Variants in NELL1 observed in about 807,000 individuals in gnomAD.
NELL1 encodes neural EGFL like 1.
Under a neutral mutation model 107.4 loss-of-function variants are expected in NELL1, and 76 were observed. The ratio of observed to expected loss-of-function variants is 0.71; its 90% CI spans 0.59 to 0.86. The LOEUF (loss-of-function observed/expected upper bound fraction) is 0.86, where lower values mean the gene tolerates loss of function less well. Among genes scored for constraint, NELL1 ranks in the 40% least tolerant of loss-of-function variants. The pLI, the probability that NELL1 is intolerant of heterozygous loss-of-function variation, is 0.00. For missense variants in NELL1, 1,024 were observed against 1,005.5 expected (o/e 1.02, Z -0.25); for synonymous variants, 353 against 341.2 (o/e 1.03, Z -0.38).
chr11:20,703,956 G>A (rs999559356), intron 2 of NELL1, among the ~76,000 whole-genome samples: 9 of 152,178 alleles, frequency 5.9e-5, no homozygotes, highest in African/African-American at 2.2e-4. Context: ...AGTGTGATGT[G>A]GTGCTGAGAA....
At chr11:21,464,165 C>T (rs375912896) in intron 15 of NELL1, among the ~76,000 whole-genome samples, 123 of 152,062 alleles carry the variant, frequency 8.1e-4, no homozygotes, top group Non-Finnish European at 1.3e-3. Flanking sequence ...CATATTTAAA[C>T]GGTCAATGTG....
At chr11:20,873,305 A>G (rs572394362) in intron 4 of NELL1, among the ~76,000 whole-genome samples, 1 of 152,228 alleles carries the variant, frequency 6.6e-6, no homozygotes, top group East Asian at 1.9e-4. Context: ...TCTTCCTATA[A>G]GATTGTGGCT....
chr11:21,034,419 C>G (rs942953549), intron 12 of NELL1, among the ~76,000 whole-genome samples: 1 of 152,126 alleles, frequency 6.6e-6, no homozygotes, highest in Non-Finnish European at 1.5e-5. Flanking sequence ...CCACAGAACT[C>G]TCTACCCAAA....
chr11:20,966,892 G>C (rs879257404), intron 12 of NELL1, among the ~76,000 whole-genome samples: 6 of 147,408 alleles, frequency 4.1e-5, no homozygotes, highest in Admixed American at 6.8e-5. Context: ...ATAACACAAA[G>C]AAAAATAAAG....
At chr11:21,341,669 G>A (rs376468905) in intron 14 of NELL1, among the ~76,000 whole-genome samples, 27 of 152,266 alleles carry the variant, frequency 1.8e-4, no homozygotes, top group East Asian at 9.6e-4. Flanking sequence ...ATCAAAAGGC[G>A]TTTATTAACT....
chr11:21,362,609 T>C (rs1166410042), intron 14 of NELL1, among the ~76,000 whole-genome samples: 1 of 152,168 alleles, frequency 6.6e-6, no homozygotes, highest in Non-Finnish European at 1.5e-5. Flanking sequence ...ATAATGGAGT[T>C]GGTTGGCCTC....
At chr11:20,704,369 C>T (rs1171914999) in intron 2 of NELL1, among the ~76,000 whole-genome samples, 1 of 152,136 alleles carries the variant, frequency 6.6e-6, no homozygotes, top group Non-Finnish European at 1.5e-5. Context: ...AGATCTTCCT[C>T]CATCCTTTTA....
At chr11:20,886,906 AAG>A (rs1849520976) in intron 5 of NELL1, among the ~76,000 whole-genome samples, 2 of 151,444 alleles carry the variant, frequency 1.3e-5, no homozygotes, top group African/African-American at 4.9e-5. Flanking sequence ...ACAGTGTCAC[AAG>A]TTTTGGAAAA....
chr11:21,336,674 T>TATATATATATATATACACAC (rs55720144), intron 14 of NELL1, among the ~76,000 whole-genome samples: 5 of 130,524 alleles, frequency 3.8e-5, no homozygotes, highest in African/African-American at 1.4e-4. Flanking sequence ...TATATATATA[T>TATATATATATATATACACAC]ACACACACAC....
intron 15 of NELL1, among the ~76,000 whole-genome samples, chr11:21,442,540 G>C (rs1340430683): frequency 6.6e-6 from 1 of 152,104 alleles, no homozygotes; most frequent in Non-Finnish European, 1.5e-5. Context: ...TAGTTTACTT[G>C]TATCAAGTAT....
chr11:21,516,520 C>G (rs4625458), intron 15 of NELL1, among the ~76,000 whole-genome samples: 20,520 of 152,038 alleles, frequency 0.13, 1,492 homozygotes, highest in Admixed American at 0.2. Flanking sequence ...AGATGGTCTA[C>G]CCTACTACAC....
At chr11:21,224,490 G>C (rs1385984724) in intron 13 of NELL1, among the ~76,000 whole-genome samples, 1 of 151,744 alleles carries the variant, frequency 6.6e-6, no homozygotes, top group African/African-American at 2.4e-5. Flanking sequence ...CAAAGTGCTG[G>C]GATTATAGGT....
chr11:21,101,462 A>G (rs1854810641), intron 12 of NELL1, among the ~76,000 whole-genome samples: 1 of 152,176 alleles, frequency 6.6e-6, no homozygotes, highest in Admixed American at 6.6e-5. Context: ...ACAACAGTGT[A>G]AAAGTGTTCC....
At chr11:20,909,218 T>C (rs948528004) in intron 5 of NELL1, among the ~76,000 whole-genome samples, 1 of 152,214 alleles carries the variant, frequency 6.6e-6, no homozygotes, top group African/African-American at 2.4e-5. Context: ...AGAGTTTTTG[T>C]TGAGGCAATA....
At chr11:20,905,449 C>A (rs1457514637) in intron 5 of NELL1, among the ~76,000 whole-genome samples, 1 of 152,064 alleles carries the variant, frequency 6.6e-6, no homozygotes, top group Non-Finnish European at 1.5e-5. Flanking sequence ...CCTGAGGAAG[C>A]ACAGATGTTG....
At chr11:20,889,907 C>T (rs894303266) in intron 5 of NELL1, among the ~76,000 whole-genome samples, 25 of 152,296 alleles carry the variant, frequency 1.6e-4, no homozygotes, top group African/African-American at 5.5e-4. Context: ...TGTGGACCAG[C>T]AGACTTAGCC....
chr11:21,296,678 C>G (rs950285111), intron 14 of NELL1, among the ~76,000 whole-genome samples: 11 of 151,974 alleles, frequency 7.2e-5, no homozygotes, highest in African/African-American at 2.4e-4. Flanking sequence ...GAAAAGGCAT[C>G]AAATACAGAT....
chr11:21,292,624 C>T (rs147218366), intron 14 of NELL1, among the ~76,000 whole-genome samples: 163 of 152,222 alleles, frequency 1.1e-3, no homozygotes, highest in Non-Finnish European at 1.5e-3. Flanking sequence ...ATAGACAAGA[C>T]AATCCTAAGC....
chr11:20,857,840 G>A (rs986527548), intron 4 of NELL1, among the ~76,000 whole-genome samples: 1 of 152,324 alleles, frequency 6.6e-6, no homozygotes, highest in South Asian at 2.1e-4. Context: ...TGTGACCACA[G>A]ATAGTTTCAG....
Sources: allele counts gnomAD v4.1 joint callset (sites outside exome capture counted in the v4.1 genomes callset), GRCh38; gene constraint gnomAD v4.1.1; transcripts MANE v1.5; gene names NCBI Gene and HGNC (gene_info 2026-07-23, HGNC 2026-07-21).